Variants in SORL1 observed in about 807,000 individuals in gnomAD.
SORL1 encodes sortilin related receptor 1, also known as sortilin-related receptor.
Under a neutral mutation model 273.7 loss-of-function variants are expected in SORL1, and 127 were observed. The ratio of observed to expected loss-of-function variants is 0.46; its 90% confidence interval spans 0.40 to 0.54. The LOEUF is 0.54. Ranked by LOEUF, SORL1 falls within the 20% of genes least tolerant of loss-of-function variation. The probability of loss-of-function intolerance (pLI) is 0.00; values close to 1 mark genes in which losing one functional copy is unlikely to be tolerated. For missense variants in SORL1, 2,494 were observed against 2,846.1 expected, an observed-to-expected ratio of 0.88 and a Z score of 2.81; for synonymous variants, 1,031 against 1,067.4, an observed-to-expected ratio of 0.97 and a Z score of 0.66.
At chr11:121,460,915 C>T (rs985779808) in intron 1 of SORL1, among the ~76,000 whole-genome samples, 3 of 152,066 alleles carry the variant, frequency 2.0e-5, no homozygotes, top group Admixed American at 1.3e-4. Context: ...GAGACACATG[C>T]GAGACAGTTC....
intron 12 of SORL1, among the ~76,000 whole-genome samples, chr11:121,533,724 T>C (rs2134873303): frequency 6.6e-6 from 1 of 152,232 alleles, no homozygotes; most frequent in East Asian, 1.9e-4. Flanking sequence ...AAAGAGATCT[T>C]AGCAGCTGTT....
intron 26 of SORL1, 89 bp from the exon 27 acceptor site, chr11:121,586,133 G>T: frequency 1.0e-6 from 1 of 994,096 alleles, no homozygotes; most frequent in Non-Finnish European, 1.6e-6. Flanking sequence ...CCCAGTGGTG[G>T]TACCAGTGTG....
chr11:121,575,759 A>T (rs1470864048), intron 24 of SORL1, among the ~76,000 whole-genome samples: 1 of 152,086 alleles, frequency 6.6e-6, no homozygotes, highest in Non-Finnish European at 1.5e-5. Flanking sequence ...CCTTCCCAGC[A>T]CTCTTAGAAG....
chr11:121,608,530 G>A (rs1448052634), intron 38 of SORL1: 5 of 242,198 alleles, frequency 2.1e-5, no homozygotes, highest in African/African-American at 9.1e-5. Flanking sequence ...GTTCACTTAC[G>A]GGGTTTTAAA....
chr11:121,499,249 TTG>T lies in SORL1; in HGVS notation c.939+2202_939+2203del, dbSNP rs1390375752. On this transcript the variant is annotated intron_variant, in intron 6 of 47. Coordinates refer to ENST00000260197, the MANE Select transcript of SORL1 (RefSeq NM_003105.6). ...TATTTATATGCTGTTGGTGGCAAAA[TTG>T]TAGTTATGAGCTGGCTCCTCCTTCT... 2.0e-5 allele frequency among the ~76,000 whole-genome samples: 3 copies of T among 152,110 alleles called. No homozygotes were observed. The South Asian group carries it at 6.2e-4, about 32-fold the overall frequency.
At chr11:121,504,754 G>A (rs986201679) in intron 6 of SORL1, among the ~76,000 whole-genome samples, 1 of 152,112 alleles carries the variant, frequency 6.6e-6, no homozygotes, top group African/African-American at 2.4e-5. Context: ...GAGAGAGTAG[G>A]CATCCTTGTC....
chr11:121,535,866 G>A (rs748022568), intron 12 of SORL1, among the ~76,000 whole-genome samples: 21 of 152,264 alleles, frequency 1.4e-4, no homozygotes, highest in Non-Finnish European at 2.6e-4. Flanking sequence ...GTGTCTACAT[G>A]TCTGAAATGG....
intron 1 of SORL1, among the ~76,000 whole-genome samples, chr11:121,467,667 A>G (rs1317863034): frequency 1.3e-5 from 2 of 152,014 alleles, no homozygotes; most frequent in African/African-American, 2.4e-5. Context: ...CCCAGGGCAC[A>G]TGTGTTGTGA....
chr11:121,509,281 A>T (rs1352928649), intron 6 of SORL1, among the ~76,000 whole-genome samples: 1 of 152,016 alleles, frequency 6.6e-6, no homozygotes, highest in Non-Finnish European at 1.5e-5. Context: ...CATTTTCTCT[A>T]GCTGAGCTGC....
intron 20 of SORL1, 136 bp from the exon 21 acceptor site, chr11:121,559,383 A>T: frequency 1.1e-6 from 1 of 887,022 alleles, no homozygotes; most frequent in Non-Finnish European, 1.7e-6. Flanking sequence ...CTTTGCATTT[A>T]AGTAGAATCT....
At chr11:121,560,955 G>C (rs781668255) in intron 21 of SORL1, among the ~76,000 whole-genome samples, 2 of 152,172 alleles carry the variant, frequency 1.3e-5, no homozygotes, top group Non-Finnish European at 2.9e-5. Flanking sequence ...CTTAGAGGAG[G>C]CACCTGTTTT....
intron 11 of SORL1, among the ~76,000 whole-genome samples, chr11:121,528,386 G>A (rs116900248): frequency 6.6e-6 from 1 of 152,298 alleles, no homozygotes; most frequent in East Asian, 1.9e-4. Flanking sequence ...TTGAGCCCAG[G>A]AGGTCAAGGT....
intron 11 of SORL1, among the ~76,000 whole-genome samples, chr11:121,528,651 T>C (rs139240727): frequency 4.6e-4 from 70 of 152,328 alleles, no homozygotes; most frequent in African/African-American, 1.2e-3. Flanking sequence ...CAAAGTGTTA[T>C]TTAATTTGCA....
At chr11:121,478,314 G>C (rs1861313021) in intron 3 of SORL1, 71 bp downstream of exon 3, 2 of 1,535,652 alleles carry the variant, frequency 1.3e-6, no homozygotes, top group South Asian at 1.2e-5. Context: ...CGCACTTAAG[G>C]GGGTGCTAGG....
chr11:121,628,528 G>A (rs1234097899), intron 47 of SORL1, among the ~76,000 whole-genome samples: 1 of 152,160 alleles, frequency 6.6e-6, no homozygotes, highest in Non-Finnish European at 1.5e-5. Context: ...CCTGCTGTGC[G>A]GCCCCCCATT....
intron 1 of SORL1, among the ~76,000 whole-genome samples, chr11:121,458,438 G>T (rs1349345613): frequency 6.6e-6 from 1 of 152,196 alleles, no homozygotes; most frequent in Non-Finnish European, 1.5e-5. Context: ...TTAAATAAAT[G>T]TGATGGAAAG....
At chr11:121,493,512 C>A (rs1861587184) in intron 5 of SORL1, among the ~76,000 whole-genome samples, 1 of 152,202 alleles carries the variant, frequency 6.6e-6, no homozygotes. Flanking sequence ...CCACCTTGGC[C>A]TCCCAAAGTG....
chr11:121,471,180 AG>A (rs1389664269), intron 2 of SORL1, among the ~76,000 whole-genome samples: 7 of 152,158 alleles, frequency 4.6e-5, no homozygotes, highest in Admixed American at 2.6e-4. Context: ...GGGAAGGGGA[AG>A]GGCCTTTGGG....
intron 9 of SORL1, among the ~76,000 whole-genome samples, 163 bp from the exon 10 acceptor site, chr11:121,522,419 CTCTG>C (rs1282294727): frequency 3.9e-5 from 6 of 152,190 alleles, no homozygotes; most frequent in African/African-American, 1.2e-4. Flanking sequence ...AGATGATCCT[CTCTG>C]TCTGGGGGGT....
Sources: allele counts gnomAD v4.1 joint callset (sites outside exome capture counted in the v4.1 genomes callset), GRCh38; gene constraint gnomAD v4.1.1; transcripts MANE v1.5; gene names NCBI Gene and HGNC (gene_info 2026-07-23, HGNC 2026-07-21).